The following SPOCK1 variants were observed in gnomAD, a reference collection of about 807,000 sequenced individuals.
The protein encoded by SPOCK1 is SPARC (osteonectin), cwcv and kazal like domains proteoglycan 1, also known as testican-1.
In SPOCK1, 23 loss-of-function variants were observed where a neutral mutation model predicts 55.3. The ratio of observed to expected loss-of-function variants is 0.42; its 90% CI spans 0.30 to 0.59. SPOCK1 has a LOEUF of 0.59. Among genes scored for constraint, SPOCK1 ranks in the 20% least tolerant of loss-of-function variants. The pLI, the probability that SPOCK1 is intolerant of heterozygous loss-of-function variation, is 0.22. For missense variants in SPOCK1, 499 were observed against 552.5 expected (o/e 0.90, Z 0.97); for synonymous variants, 226 against 221.0 (o/e 1.02, Z -0.20).
intron 2 of SPOCK1, among the ~76,000 whole-genome samples, chr5:137,411,401 G>A (rs769830242): frequency 6.6e-6 from 1 of 152,194 alleles, no homozygotes; most frequent in Non-Finnish European, 1.5e-5. Context: ...CACCAGTGAT[G>A]AGGATGGAGG....
intron 3 of SPOCK1, among the ~76,000 whole-genome samples, chr5:137,243,990 AT>A: frequency 6.6e-6 from 1 of 152,296 alleles, no homozygotes; most frequent in South Asian, 2.1e-4. Context: ...TAAGGTGGCA[AT>A]GGCCCTCTTT....
intron 3 of SPOCK1, among the ~76,000 whole-genome samples, chr5:137,214,318 A>C (rs887063026): frequency 6.6e-6 from 1 of 152,156 alleles, no homozygotes; most frequent in African/African-American, 2.4e-5. Context: ...TTGAAACCCA[A>C]GTTTGTCTGA....
intron 6 of SPOCK1, among the ~76,000 whole-genome samples, chr5:137,042,874 C>T (rs942780048): frequency 6.6e-6 from 1 of 152,072 alleles, no homozygotes; most frequent in Admixed American, 6.6e-5. Flanking sequence ...CACATGCACA[C>T]ACACATATGG....
At chr5:137,226,113 C>G (rs904541991) in intron 3 of SPOCK1, among the ~76,000 whole-genome samples, 3 of 152,214 alleles carry the variant, frequency 2.0e-5, no homozygotes, top group African/African-American at 7.2e-5. Context: ...GCACACCATC[C>G]TGCTCAATTA....
chr5:137,385,317 T>C (rs937906389), intron 2 of SPOCK1, among the ~76,000 whole-genome samples: 1 of 152,190 alleles, frequency 6.6e-6, no homozygotes, highest in Non-Finnish European at 1.5e-5. Flanking sequence ...CTGTATCAGA[T>C]AGACCCATGC....
intron 2 of SPOCK1, among the ~76,000 whole-genome samples, chr5:137,270,227 G>T (rs1373384260): frequency 6.6e-6 from 1 of 152,198 alleles, no homozygotes; most frequent in East Asian, 1.9e-4. Context: ...GTCAGGCAAG[G>T]CATATCTATC....
intron 3 of SPOCK1, among the ~76,000 whole-genome samples, chr5:137,221,882 T>C (rs1267562711): frequency 6.6e-6 from 1 of 152,178 alleles, no homozygotes; most frequent in Non-Finnish European, 1.5e-5. Context: ...CAGTTATTCC[T>C]CCCACAGCAT....
intron 2 of SPOCK1, among the ~76,000 whole-genome samples, chr5:137,373,787 G>A (rs1310984321): frequency 6.6e-6 from 1 of 152,224 alleles, no homozygotes; most frequent in African/African-American, 2.4e-5. Context: ...GTTACCAGCA[G>A]GAGCTCAGAA....
chr5:137,483,107 T>C (rs371202270), intron 2 of SPOCK1, among the ~76,000 whole-genome samples: 1 of 152,060 alleles, frequency 6.6e-6, no homozygotes, highest in East Asian at 1.9e-4. Flanking sequence ...CCGAGGCGGG[T>C]GGATCACCTG....
chr5:137,017,502 T>A (rs568123551), intron 6 of SPOCK1, among the ~76,000 whole-genome samples: 1 of 152,364 alleles, frequency 6.6e-6, no homozygotes, highest in East Asian at 1.9e-4. Context: ...TTTGCTCTAA[T>A]AATTAAAAAC....
At chr5:137,260,349 A>G (rs1756722577) in intron 3 of SPOCK1, among the ~76,000 whole-genome samples, 1 of 152,248 alleles carries the variant, frequency 6.6e-6, no homozygotes, top group Admixed American at 6.5e-5. Flanking sequence ...AATACAATAG[A>G]ATAGCACAAT....
chr5:137,488,270 G>A (rs1317977792), intron 2 of SPOCK1, among the ~76,000 whole-genome samples: 4 of 152,046 alleles, frequency 2.6e-5, no homozygotes, highest in African/African-American at 7.3e-5. Flanking sequence ...CCAGCTACTC[G>A]GGAGGCTGAG....
intron 2 of SPOCK1, among the ~76,000 whole-genome samples, chr5:137,377,849 A>G (rs550495016): frequency 3.3e-5 from 5 of 152,246 alleles, no homozygotes; most frequent in African/African-American, 1.2e-4. Context: ...TCTTGTCCTA[A>G]AGAGAAATCA....
intron 2 of SPOCK1, among the ~76,000 whole-genome samples, chr5:137,336,217 C>T (rs1372775440): frequency 6.6e-6 from 1 of 152,186 alleles, no homozygotes; most frequent in Admixed American, 6.5e-5. Context: ...CGGCAAGTTT[C>T]CTTGATTGCC....
chr5:137,368,726 T>C (rs1321143552), intron 2 of SPOCK1, among the ~76,000 whole-genome samples: 1 of 152,150 alleles, frequency 6.6e-6, no homozygotes, highest in African/African-American at 2.4e-5. Context: ...TGTGCCTCCC[T>C]CTCCCTTCCC....
intron 3 of SPOCK1, among the ~76,000 whole-genome samples, chr5:137,227,625 C>G (rs573528079): frequency 6.6e-6 from 1 of 152,308 alleles, no homozygotes; most frequent in African/African-American, 2.4e-5. Context: ...GCTTCCTACA[C>G]AGCAAGGTCT....
intron 2 of SPOCK1, among the ~76,000 whole-genome samples, chr5:137,290,781 G>T (rs552026734): frequency 9.8e-5 from 15 of 152,308 alleles, no homozygotes; most frequent in African/African-American, 3.4e-4. Context: ...AATACCAGGT[G>T]AACTGCTGAA....
intron 5 of SPOCK1, among the ~76,000 whole-genome samples, chr5:137,094,900 A>G (rs1344397339): frequency 6.6e-6 from 1 of 152,232 alleles, no homozygotes; most frequent in Non-Finnish European, 1.5e-5. Context: ...CTTTGTCGCT[A>G]AGCACGATCA....
rs980615354 is a variant in SPOCK1, at chr5:136,979,382, T to C, written c.1079A>G (p.Lys360Arg). 2.5e-6 allele frequency: 4 copies of C among 1,614,156 alleles called. No homozygotes were observed. Among genetic ancestry groups the C allele is most frequent in the Admixed American group, 1.7e-5 (1 of 60,024 alleles). The change falls in exon 10 of 11, where the codon AAA (lysine) becomes AGA (arginine). Residue 360 changes from lysine (K) to arginine (R), a missense_variant. Transcript: ENST00000394945. ...GGAGCCAGCCAACTCATTCCCATAT[T>C]TGTCCACACACCAGCACTGCCCCGT... ...GSTGQCWCVD[K>R]YGNELAGSRK... is the part of the protein sequence containing the mutation.
Sources: gnomAD v4.1 joint callset for allele counts (sites outside exome capture counted in the v4.1 genomes callset) on GRCh38, gnomAD v4.1.1 for gene constraint, MANE v1.5 for transcripts, NCBI Gene and HGNC (gene_info 2026-07-23, HGNC 2026-07-21) for gene names.